The following TMEM132C variants were observed in gnomAD, a reference collection of about 807,000 sequenced individuals.
TMEM132C encodes the protein protein phosphatase 1, regulatory subunit 152.
Under a neutral mutation model 61.4 loss-of-function variants are expected in TMEM132C, and 29 were observed. That is an observed-to-expected ratio of 0.47 (90% confidence interval 0.35 to 0.64). TMEM132C has a LOEUF of 0.64. Among genes scored for constraint, TMEM132C ranks in the 30% least tolerant of loss-of-function variants. TMEM132C has a pLI of 0.00. For synonymous variants in TMEM132C, 656 were observed against 633.1 expected (o/e 1.04, Z -0.54); for missense variants, 1,408 against 1,476.9 (o/e 0.95, Z 0.76).
chr12:128,584,558 G>T (rs73426454), intron 3 of TMEM132C, among the ~76,000 whole-genome samples: 7,431 of 152,274 alleles, frequency 0.049, 622 homozygotes, highest in African/African-American at 0.17. Flanking sequence ...GCTGCGAATG[G>T]TCTGTAGGGT....
intron 1 of TMEM132C, among the ~76,000 whole-genome samples, chr12:128,361,565 A>G (rs957860014): frequency 1.3e-5 from 2 of 152,180 alleles, no homozygotes; most frequent in African/African-American, 4.8e-5. Flanking sequence ...AAGAGTACAC[A>G]GTGATTGCTG....
intron 2 of TMEM132C, among the ~76,000 whole-genome samples, chr12:128,492,511 T>G (rs997556171): frequency 1.3e-5 from 2 of 152,220 alleles, no homozygotes; most frequent in Admixed American, 6.5e-5. Flanking sequence ...CTCCAGCACC[T>G]GTTGTTTCCT....
intron 2 of TMEM132C, among the ~76,000 whole-genome samples, chr12:128,523,626 C>T (rs1872980819): frequency 6.6e-6 from 1 of 152,008 alleles, no homozygotes; most frequent in Admixed American, 6.6e-5. Flanking sequence ...TCACAACCTC[C>T]TTGTTTAATG....
chr12:128,632,467 A>C (rs1439915926), intron 4 of TMEM132C, among the ~76,000 whole-genome samples: 1 of 152,196 alleles, frequency 6.6e-6, no homozygotes, highest in Non-Finnish European at 1.5e-5. Context: ...GACTTAATTG[A>C]TGTTCTTTTT....
chr12:128,391,035 T>C (rs943007256), intron 1 of TMEM132C, among the ~76,000 whole-genome samples: 5 of 152,184 alleles, frequency 3.3e-5, no homozygotes, highest in African/African-American at 1.2e-4. Flanking sequence ...ACGCTGCGGT[T>C]CTCAAAGTGG....
chr12:128,477,100 A>G (rs968875939), intron 2 of TMEM132C, among the ~76,000 whole-genome samples: 3 of 152,212 alleles, frequency 2.0e-5, no homozygotes, highest in Non-Finnish European at 2.9e-5. Flanking sequence ...TCAGTGGCCT[A>G]AAACAACATT....
intron 1 of TMEM132C, among the ~76,000 whole-genome samples, chr12:128,412,249 AT>A (rs1372548763): frequency 6.6e-6 from 1 of 152,148 alleles, no homozygotes; most frequent in Non-Finnish European, 1.5e-5. Flanking sequence ...CATTAACATG[AT>A]TCCAAAGGTC....
At chr12:128,403,341 G>A (rs1433565837) in intron 1 of TMEM132C, among the ~76,000 whole-genome samples, 1 of 152,170 alleles carries the variant, frequency 6.6e-6, no homozygotes, top group Non-Finnish European at 1.5e-5. Flanking sequence ...GTCCTGTTTT[G>A]CAGGTGTCTG....
intron 1 of TMEM132C, among the ~76,000 whole-genome samples, chr12:128,344,461 A>T (rs1361314993): frequency 6.6e-6 from 1 of 152,062 alleles, no homozygotes; most frequent in Non-Finnish European, 1.5e-5. Context: ...CCGGCAGTAT[A>T]TGTTTTTATG....
chr12:128,370,633 G>T (rs942215869), intron 1 of TMEM132C, among the ~76,000 whole-genome samples: 1 of 151,884 alleles, frequency 6.6e-6, no homozygotes, highest in Non-Finnish European at 1.5e-5. Flanking sequence ...ACTTGGAAAG[G>T]CACCCTGACC....
chr12:128,271,070 A>G (rs1293355622), intron 1 of TMEM132C, among the ~76,000 whole-genome samples: 2 of 152,174 alleles, frequency 1.3e-5, no homozygotes, highest in Admixed American at 1.3e-4. Context: ...CCTGGCCAAC[A>G]TGGTGAAACC....
In TMEM132C at chr12:128,378,234, C is replaced by T. The variant is rs567242872; in HGVS notation, c.86-36498C>T. Among the ~76,000 whole-genome samples, 2 of 152,154 alleles carry T rather than the reference C, an allele frequency of 1.3e-5. 1 individual carries two copies. Among genetic ancestry groups the T allele is most frequent in the Admixed American group, 1.3e-4 (2 of 15,292 alleles). ...GGTTCACGCCATTCTCCTGCCTTAG[C>T]CTCCCGAGTAGCTGGGACTACAGGA... On this transcript the variant is annotated intron_variant, in intron 1 of 8. Transcript: ENST00000435159.
intron 2 of TMEM132C, among the ~76,000 whole-genome samples, chr12:128,512,307 T>A (rs1872590935): frequency 6.6e-6 from 1 of 152,180 alleles, no homozygotes; most frequent in Non-Finnish European, 1.5e-5. Flanking sequence ...TATACAAATA[T>A]AAGCAAGTAT....
intron 3 of TMEM132C, among the ~76,000 whole-genome samples, chr12:128,566,991 G>T (rs1874725643): frequency 6.6e-6 from 1 of 152,174 alleles, no homozygotes; most frequent in African/African-American, 2.4e-5. Flanking sequence ...TGGTTATTGT[G>T]TTGCTTTTAG....
At chr12:128,516,758 T>C (rs1284136047) in intron 2 of TMEM132C, among the ~76,000 whole-genome samples, 1 of 151,746 alleles carries the variant, frequency 6.6e-6, no homozygotes, top group Admixed American at 6.6e-5. Flanking sequence ...CAAAAAAAAT[T>C]TTTAAATTAG....
At chr12:128,436,928 A>C (rs144691993) in intron 2 of TMEM132C, among the ~76,000 whole-genome samples, 9,827 of 152,300 alleles carry the variant, frequency 0.065, 1,086 homozygotes, top group African/African-American at 0.22. Context: ...TGGATTAAGA[A>C]AATGTGGCAC....
chr12:128,268,474 C>T (rs368588141), intron 1 of TMEM132C, among the ~76,000 whole-genome samples: 2 of 152,142 alleles, frequency 1.3e-5, no homozygotes, highest in East Asian at 3.9e-4. Flanking sequence ...GGGGCGCGCC[C>T]AGGGCGTAGA....
At chr12:128,290,451 C>T (rs2014072) in intron 1 of TMEM132C, among the ~76,000 whole-genome samples, 59,845 of 151,904 alleles carry the variant, frequency 0.39, 12,540 homozygotes, top group Non-Finnish European at 0.46. Flanking sequence ...CATTCACCCC[C>T]GACCAGGTCC....
chr12:128,344,119 A>G (rs1002139817), intron 1 of TMEM132C, among the ~76,000 whole-genome samples: 1 of 152,166 alleles, frequency 6.6e-6, no homozygotes, highest in African/African-American at 2.4e-5. Flanking sequence ...TTTATGATTC[A>G]TGTACATGTT....
Sources: allele counts gnomAD v4.1 joint callset (sites outside exome capture counted in the v4.1 genomes callset), GRCh38; gene constraint gnomAD v4.1.1; transcripts MANE v1.5; gene names NCBI Gene and HGNC (gene_info 2026-07-23, HGNC 2026-07-21).